The following TXNDC16 variants were observed in gnomAD, a reference collection of about 807,000 sequenced individuals.
TXNDC16 encodes the protein thioredoxin domain-containing protein 16.
A neutral mutation model predicts 85.6 loss-of-function variants in TXNDC16; 74 were observed. The observed-to-expected ratio is 0.86, with a 90% CI of 0.72 to 1.05. The LOEUF (loss-of-function observed/expected upper bound fraction) is 1.05, where lower values mean the gene tolerates loss of function less well. TXNDC16 is among the 50% of genes least tolerant of loss of function. The pLI, the probability that TXNDC16 is intolerant of heterozygous loss-of-function variation, is 0.00. For synonymous variants in TXNDC16, 335 were observed against 326.5 expected (o/e 1.03, Z -0.28); for missense variants, 959 against 947.0 (o/e 1.01, Z -0.17).
At chr14:52,458,862 C>T (rs754084838) in intron 16 of TXNDC16, among the ~76,000 whole-genome samples, 6 of 152,194 alleles carry the variant, frequency 3.9e-5, no homozygotes, top group Admixed American at 1.3e-4. Context: ...CTTAAAAAGT[C>T]TCTTCGTAAA....
At chr14:52,472,781 G>C (rs2035937791) in intron 14 of TXNDC16, among the ~76,000 whole-genome samples, 1 of 152,136 alleles carries the variant, frequency 6.6e-6, no homozygotes, top group African/African-American at 2.4e-5. Context: ...TAGGCAGATA[G>C]CAAGGGTATG....
At chr14:52,464,426 G>A (rs2035724488) in intron 16 of TXNDC16, among the ~76,000 whole-genome samples, 1 of 152,014 alleles carries the variant, frequency 6.6e-6, no homozygotes, top group African/African-American at 2.4e-5. Context: ...TCCTATTTGT[G>A]CTTTTTATGA....
intron 3 of TXNDC16, among the ~76,000 whole-genome samples, 199 bp downstream of exon 3, chr14:52,543,199 A>T (rs942085457): frequency 1.3e-5 from 2 of 152,206 alleles, no homozygotes; most frequent in Non-Finnish European, 2.9e-5. Context: ...AAAGAAAAAC[A>T]CAGAAAAGCT....
intron 7 of TXNDC16, 58 bp downstream of exon 7, chr14:52,519,114 C>T (rs183391239): frequency 2.2e-5 from 33 of 1,518,044 alleles, no homozygotes; most frequent in Non-Finnish European, 2.8e-5. Context: ...ATTTTAAGTA[C>T]TTCAACATAC....
chr14:52,488,704 C>T (rs1393618695), intron 11 of TXNDC16, among the ~76,000 whole-genome samples: 1 of 151,626 alleles, frequency 6.6e-6, no homozygotes, highest in Non-Finnish European at 1.5e-5. Context: ...CGTGGTGGCG[C>T]ACGCCTGTAA....
chr14:52,454,801 CAA>C (rs1240396497), intron 18 of TXNDC16, among the ~76,000 whole-genome samples: 1 of 151,868 alleles, frequency 6.6e-6, no homozygotes, highest in African/African-American at 2.4e-5. Flanking sequence ...ATCTCAAAAA[CAA>C]AACAAAAAAA....
intron 6 of TXNDC16, among the ~76,000 whole-genome samples, chr14:52,535,820 A>G (rs2037687056): frequency 4.6e-5 from 7 of 152,154 alleles, no homozygotes; most frequent in Admixed American, 4.6e-4. Flanking sequence ...GAATCCAGAA[A>G]GAAACCCAGC....
At chr14:52,519,321 G>T in intron 6 of TXNDC16, 28 bp from the exon 7 acceptor site, 1 of 1,530,588 alleles carries the variant, frequency 6.5e-7, no homozygotes, top group South Asian at 1.2e-5. Context: ...ATAATTAGTA[G>T]AAAAATCTGA....
chr14:52,523,200 G>C (rs1439732225), intron 6 of TXNDC16, among the ~76,000 whole-genome samples: 3 of 152,142 alleles, frequency 2.0e-5, no homozygotes, highest in Non-Finnish European at 4.4e-5. Flanking sequence ...TCTGTTGATG[G>C]GGTAAAACAG....
At chr14:52,542,798 T>C (rs2140229845) in intron 3 of TXNDC16, among the ~76,000 whole-genome samples, 1 of 152,292 alleles carries the variant, frequency 6.6e-6, no homozygotes, top group East Asian at 1.9e-4. Context: ...AAAATGATTT[T>C]AAAATATCAT....
chr14:52,449,694 T>G (rs924498426), intron 18 of TXNDC16, among the ~76,000 whole-genome samples: 2 of 152,138 alleles, frequency 1.3e-5, no homozygotes, highest in African/African-American at 4.8e-5. Flanking sequence ...GACTTTAGGT[T>G]AAGTCATAAA....
intron 9 of TXNDC16, among the ~76,000 whole-genome samples, chr14:52,500,551 T>C (rs779070312): frequency 6.6e-6 from 1 of 152,206 alleles, no homozygotes; most frequent in Non-Finnish European, 1.5e-5. Flanking sequence ...ACAACGTACA[T>C]CAGCTAATAC....
chr14:52,544,994 T>A (rs1395452945), intron 1 of TXNDC16, among the ~76,000 whole-genome samples: 1 of 152,150 alleles, frequency 6.6e-6, no homozygotes, highest in Non-Finnish European at 1.5e-5. Context: ...TTAAAATAGG[T>A]CATCCACTAT....
intron 5 of TXNDC16, among the ~76,000 whole-genome samples, chr14:52,537,089 C>CAA (rs1235048418): frequency 1.3e-5 from 2 of 151,970 alleles, no homozygotes; most frequent in African/African-American, 4.8e-5. Context: ...CACACACACA[C>CAA]ACACACACAT....
intron 9 of TXNDC16, among the ~76,000 whole-genome samples, chr14:52,510,056 A>C (rs1208589250): frequency 6.6e-6 from 1 of 152,196 alleles, no homozygotes; most frequent in Admixed American, 6.5e-5. Context: ...AATCTATTTA[A>C]GTGCAGAAGC....
intron 9 of TXNDC16, among the ~76,000 whole-genome samples, chr14:52,497,045 A>G (rs1342000097): frequency 2.0e-5 from 3 of 152,188 alleles, no homozygotes; most frequent in Non-Finnish European, 2.9e-5. Flanking sequence ...AGAAATTAGT[A>G]TAAGAGTAGA....
At chr14:52,532,846 T>A (rs760094315) in intron 6 of TXNDC16, among the ~76,000 whole-genome samples, 2 of 152,070 alleles carry the variant, frequency 1.3e-5, no homozygotes, top group African/African-American at 4.8e-5. Context: ...CATCCAAAAG[T>A]AAGAAGATAG....
chr14:52,461,062 TTC>T (rs1252181409), intron 16 of TXNDC16, among the ~76,000 whole-genome samples: 2 of 151,486 alleles, frequency 1.3e-5, no homozygotes, highest in Admixed American at 6.6e-5. Flanking sequence ...TATCTTTTAG[TTC>T]TTTTAATTTG....
intron 14 of TXNDC16, among the ~76,000 whole-genome samples, chr14:52,473,571 A>C (rs570354078): frequency 2.4e-4 from 37 of 152,338 alleles, no homozygotes; most frequent in Non-Finnish European, 2.5e-4. Flanking sequence ...ATAACTACTT[A>C]TACTGAAGTT....
Sources: allele counts gnomAD v4.1 joint callset (sites outside exome capture counted in the v4.1 genomes callset), GRCh38; gene constraint gnomAD v4.1.1; transcripts MANE v1.5; gene names NCBI Gene and HGNC (gene_info 2026-07-23, HGNC 2026-07-21).